The following CDK5RAP2 variants were observed in gnomAD, a reference collection of about 807,000 sequenced individuals.
CDK5RAP2 encodes the protein CDK5 regulatory subunit-associated protein 2.
CDK5RAP2 carries 147 observed loss-of-function variants against 232.9 expected under a neutral mutation model. The observed-to-expected ratio is 0.63, with a 90% CI of 0.55 to 0.72. The LOEUF is 0.72. Ranked by LOEUF, CDK5RAP2 falls within the 30% of genes least tolerant of loss-of-function variation. CDK5RAP2 has a pLI of 0.00. For missense variants in CDK5RAP2, 2,195 were observed against 2,231.5 expected (o/e 0.98, Z 0.33); for synonymous variants, 833 against 833.7 (o/e 1.00, Z 0.01).
intron 23 of CDK5RAP2, chr9:120,440,304 T>C: frequency 2.9e-6 from 1 of 348,536 alleles, no homozygotes; most frequent in Non-Finnish European, 5.4e-6. Flanking sequence ...AGACCTTCCA[T>C]GATCTAGTTC....
At chr9:120,501,143 C>G (rs2039556814) in intron 12 of CDK5RAP2, among the ~76,000 whole-genome samples, 1 of 152,218 alleles carries the variant, frequency 6.6e-6, no homozygotes, top group Non-Finnish European at 1.5e-5. Context: ...CCTCGCTGCC[C>G]TCTTCTCCTG....
chr9:120,528,799 T>C lies in CDK5RAP2; in HGVS notation c.826-2A>G, dbSNP rs776733694. On this transcript the variant is annotated splice_acceptor_variant, in intron 8 of 37. Coordinates refer to ENST00000349780, the MANE Select transcript of CDK5RAP2 (RefSeq NM_018249.6). LOFTEE classifies it high-confidence loss of function. ...CTTCTGATGCTCCATTTGTGCAGCC[T>C]AAGAAAAGGCATTAATTGGTGTGAA... The C allele has an allele frequency of 1.2e-6, 2 of 1,608,256 alleles. No individual in the cohort carries two copies. The highest frequency in any genetic ancestry group is 1.7e-6 in the Non-Finnish European group (2 of 1,174,686).
chr9:120,528,021 C>A (rs1827649704), intron 9 of CDK5RAP2, 96 bp from the exon 10 acceptor site: 3 of 1,462,216 alleles, frequency 2.1e-6, no homozygotes, highest in Non-Finnish European at 2.8e-6. Context: ...TGCAGTTATT[C>A]TATCTTATTC....
chr9:120,480,854 G>A (rs951457166), intron 14 of CDK5RAP2, among the ~76,000 whole-genome samples: 2 of 152,208 alleles, frequency 1.3e-5, no homozygotes, highest in African/African-American at 4.8e-5. Flanking sequence ...TAGTCATCCA[G>A]ACTGCTGGAA....
intron 4 of CDK5RAP2, among the ~76,000 whole-genome samples, chr9:120,546,251 G>C (rs2132029286): frequency 6.6e-6 from 1 of 152,256 alleles, no homozygotes; most frequent in South Asian, 2.1e-4. Context: ...ACATGTGGAT[G>C]GAAAACAGGA....
intron 12 of CDK5RAP2, among the ~76,000 whole-genome samples, chr9:120,494,878 G>A (rs1274796858): frequency 1.4e-5 from 2 of 143,878 alleles, no homozygotes; most frequent in Admixed American, 1.4e-4. Flanking sequence ...GCGGCCCGGG[G>A]CAGTGCGGAG....
intron 12 of CDK5RAP2, among the ~76,000 whole-genome samples, chr9:120,506,937 C>G (rs750694831): frequency 6.6e-6 from 1 of 152,094 alleles, no homozygotes; most frequent in Non-Finnish European, 1.5e-5. Context: ...AGGACTGACT[C>G]CAGTTTTGAA....
intron 4 of CDK5RAP2, among the ~76,000 whole-genome samples, chr9:120,548,575 G>A (rs1449771038): frequency 3.3e-5 from 5 of 152,204 alleles, no homozygotes; most frequent in Non-Finnish European, 7.3e-5. Context: ...GGGAAGCCAA[G>A]GCAGGAGGAT....
At chr9:120,497,633 A>G (rs2039372712) in intron 12 of CDK5RAP2, among the ~76,000 whole-genome samples, 1 of 152,118 alleles carries the variant, frequency 6.6e-6, no homozygotes, top group African/African-American at 2.4e-5. Flanking sequence ...ATCAATAATG[A>G]CAGACTGACA....
At chr9:120,417,285 C>T (rs773299370) in intron 27 of CDK5RAP2, among the ~76,000 whole-genome samples, 4 of 151,360 alleles carry the variant, frequency 2.6e-5, no homozygotes, top group African/African-American at 4.9e-5. Context: ...TGCACCTCCA[C>T]GCTCCTTAAA....
chr9:120,411,574 T>C, intron 28 of CDK5RAP2, 100 bp from the exon 29 acceptor site: 1 of 724,084 alleles, frequency 1.4e-6, no homozygotes, highest in South Asian at 1.5e-5. Context: ...TAACACAACA[T>C]ACAATGAAAA....
chr9:120,450,799 C>T (rs1005640347), intron 21 of CDK5RAP2, among the ~76,000 whole-genome samples: 1 of 152,174 alleles, frequency 6.6e-6, no homozygotes, highest in African/African-American at 2.4e-5. Context: ...AACAACTAGT[C>T]CAATGTCACA....
At chr9:120,416,729 T>C (rs2034244675) in intron 27 of CDK5RAP2, among the ~76,000 whole-genome samples, 1 of 152,236 alleles carries the variant, frequency 6.6e-6, no homozygotes, top group Admixed American at 6.5e-5. Context: ...ATCATCACAT[T>C]AAGTATCCAA....
chr9:120,463,819 G>A lies in CDK5RAP2; in HGVS notation c.2107-3152C>T, dbSNP rs140164211. Among the ~76,000 whole-genome samples the A allele has an allele frequency of 1.7e-3, 260 of 152,272 alleles. 1 individual carries two copies. Among genetic ancestry groups the A allele is most frequent in the South Asian group, 0.011 (55 of 4,824 alleles). ...AGTAAACTCTCGGTTTCCAGGAATG[G>A]TCAAGAAATTAAATGTTATGGACAT... On this transcript the variant is annotated intron_variant, in intron 18 of 37. Coordinates refer to ENST00000349780, the MANE Select transcript of CDK5RAP2 (RefSeq NM_018249.6).
intron 3 of CDK5RAP2, among the ~76,000 whole-genome samples, chr9:120,559,794 G>A (rs963184750): frequency 2.0e-5 from 3 of 152,160 alleles, no homozygotes. Context: ...CATGACTACA[G>A]GGTGGTGCTT....
chr9:120,574,009 C>G (rs559843312), intron 1 of CDK5RAP2, among the ~76,000 whole-genome samples: 2 of 152,160 alleles, frequency 1.3e-5, no homozygotes, highest in Non-Finnish European at 2.9e-5. Context: ...ATTACATTAA[C>G]TCCCACTGGC....
At chr9:120,538,954 C>T (rs900373023) in intron 6 of CDK5RAP2, 87 bp downstream of exon 6, 16 of 1,404,480 alleles carry the variant, frequency 1.1e-5, no homozygotes, top group Admixed American at 6.7e-5. Flanking sequence ...CTGAAACTGA[C>T]GGTTTATAAA....
chr9:120,538,670 A>G (rs989409476), intron 6 of CDK5RAP2, among the ~76,000 whole-genome samples: 1 of 152,182 alleles, frequency 6.6e-6, no homozygotes, highest in Admixed American at 6.5e-5. Flanking sequence ...CCACATCTTT[A>G]AAATAATGGG....
chr9:120,546,061 A>T (rs1218780294), intron 4 of CDK5RAP2, among the ~76,000 whole-genome samples: 1 of 152,194 alleles, frequency 6.6e-6, no homozygotes, highest in Non-Finnish European at 1.5e-5. Context: ...TTCAAATATC[A>T]AGGCATAAAT....
Sources: allele counts gnomAD v4.1 joint callset (sites outside exome capture counted in the v4.1 genomes callset), GRCh38; gene constraint gnomAD v4.1.1; transcripts MANE v1.5; gene names NCBI Gene and HGNC (gene_info 2026-07-23, HGNC 2026-07-21).